Variants in CCBE1 observed in about 807,000 individuals in gnomAD.
CCBE1 encodes the protein collagen and calcium-binding EGF domain-containing protein 1.
In CCBE1, 37 loss-of-function variants were observed where a neutral mutation model predicts 50.0. The ratio of observed to expected loss-of-function variants is 0.74; its 90% CI spans 0.57 to 0.97. The LOEUF is 0.97. Among genes scored for constraint, CCBE1 ranks in the 50% least tolerant of loss-of-function variants. The probability of loss-of-function intolerance (pLI) is 0.00; values close to 1 mark genes in which losing one functional copy is unlikely to be tolerated. For missense variants in CCBE1, 538 were observed against 523.8 expected, an observed-to-expected ratio of 1.03 and a Z score of -0.26; for synonymous variants, 234 against 203.7, an observed-to-expected ratio of 1.15 and a Z score of -1.27.
intron 2 of CCBE1, among the ~76,000 whole-genome samples, chr18:59,494,981 C>G (rs376276594): frequency 2.6e-5 from 4 of 152,154 alleles, no homozygotes; most frequent in African/African-American, 9.7e-5. Context: ...TGGTAAAACC[C>G]TGTCTCTACT....
intron 2 of CCBE1, among the ~76,000 whole-genome samples, chr18:59,571,160 G>C (rs1599023805): frequency 6.6e-6 from 1 of 152,120 alleles, no homozygotes; most frequent in East Asian, 1.9e-4. Context: ...TCTTGCTAAT[G>C]ACATCAGGAA....
chr18:59,638,423 G>T (rs981750229), intron 2 of CCBE1, among the ~76,000 whole-genome samples: 2 of 152,126 alleles, frequency 1.3e-5, no homozygotes, highest in African/African-American at 4.8e-5. Flanking sequence ...GTGTGGTCCT[G>T]GACCAGCAGC....
At chr18:59,583,680 TGCGCGC>T (rs35460738) in intron 2 of CCBE1, among the ~76,000 whole-genome samples, 3,852 of 59,336 alleles carry the variant, frequency 0.065, 64 homozygotes, top group African/African-American at 0.073. Context: ...TGTGTGTGTG[TGCGCGC>T]GCGCGCGCGC....
chr18:59,621,094 C>A (rs1377917000), intron 2 of CCBE1, among the ~76,000 whole-genome samples: 2 of 152,200 alleles, frequency 1.3e-5, no homozygotes, highest in Non-Finnish European at 2.9e-5. Flanking sequence ...GACCACACCT[C>A]TCTTAGAAGG....
At chr18:59,534,077 G>A (rs1031946134) in intron 2 of CCBE1, among the ~76,000 whole-genome samples, 1 of 150,764 alleles carries the variant, frequency 6.6e-6, no homozygotes, top group East Asian at 1.9e-4. Flanking sequence ...AAAAGTGTTC[G>A]ATTCCGCCTT....
intron 2 of CCBE1, among the ~76,000 whole-genome samples, chr18:59,508,587 ACT>A: frequency 6.6e-6 from 1 of 152,034 alleles, no homozygotes; most frequent in African/African-American, 2.4e-5. Context: ...AAAGAGTGAG[ACT>A]CTGTCTCACA....
chr18:59,621,560 A>G (rs1203804849), intron 2 of CCBE1, among the ~76,000 whole-genome samples: 2 of 152,208 alleles, frequency 1.3e-5, no homozygotes, highest in Admixed American at 1.3e-4. Context: ...ACCTGGCATT[A>G]CATGGGCTAT....
intron 2 of CCBE1, among the ~76,000 whole-genome samples, chr18:59,542,113 G>T (rs2144384715): frequency 6.6e-6 from 1 of 151,082 alleles, no homozygotes; most frequent in Non-Finnish European, 1.5e-5. Context: ...GGTCGAGGCT[G>T]CAGTGAGCTG....
At chr18:59,584,786 CT>C (rs1261484721) in intron 2 of CCBE1, among the ~76,000 whole-genome samples, 1 of 152,200 alleles carries the variant, frequency 6.6e-6, no homozygotes, top group Non-Finnish European at 1.5e-5. Context: ...TCTGAATAGC[CT>C]GCAGAACTGC....
intron 2 of CCBE1, among the ~76,000 whole-genome samples, chr18:59,516,674 G>A (rs890036852): frequency 1.3e-5 from 2 of 152,178 alleles, no homozygotes; most frequent in Admixed American, 6.5e-5. Flanking sequence ...GACCTTCCTG[G>A]CTTGCTAACT....
intron 2 of CCBE1, among the ~76,000 whole-genome samples, chr18:59,608,869 T>G (rs2053535122): frequency 1.3e-5 from 2 of 152,210 alleles, no homozygotes; most frequent in Admixed American, 6.5e-5. Context: ...CCAAATCTCT[T>G]GAAGCAGTCG....
intron 2 of CCBE1, among the ~76,000 whole-genome samples, chr18:59,542,679 G>A (rs1360906748): frequency 6.6e-6 from 1 of 152,194 alleles, no homozygotes; most frequent in Non-Finnish European, 1.5e-5. Flanking sequence ...CTGCTAAAAT[G>A]TGCCTGGCCA....
intron 6 of CCBE1, among the ~76,000 whole-genome samples, chr18:59,449,183 C>A (rs534525499): frequency 1.3e-5 from 2 of 152,288 alleles, no homozygotes; most frequent in Non-Finnish European, 2.9e-5. Context: ...CCTGTGGGAT[C>A]TTGGGTAAGC....
chr18:59,627,478 G>A (rs1288813642), intron 2 of CCBE1, among the ~76,000 whole-genome samples: 1 of 152,140 alleles, frequency 6.6e-6, no homozygotes, highest in Non-Finnish European at 1.5e-5. Flanking sequence ...CCTACTTCCT[G>A]GTACCGGAGA....
At chr18:59,534,342 C>T (rs1430971123) in intron 2 of CCBE1, among the ~76,000 whole-genome samples, 1 of 152,126 alleles carries the variant, frequency 6.6e-6, no homozygotes, top group Non-Finnish European at 1.5e-5. Context: ...AGGTTTTTGT[C>T]TTGTCCTTAA....
At chr18:59,607,782 T>C (rs2053518477) in intron 2 of CCBE1, among the ~76,000 whole-genome samples, 1 of 152,116 alleles carries the variant, frequency 6.6e-6, no homozygotes, top group African/African-American at 2.4e-5. Context: ...TATTTAAAAA[T>C]GGGGATGAAC....
intron 2 of CCBE1, among the ~76,000 whole-genome samples, chr18:59,602,775 G>C (rs1378942624): frequency 6.6e-6 from 1 of 152,190 alleles, no homozygotes; most frequent in African/African-American, 2.4e-5. Flanking sequence ...GCCTGAACAA[G>C]GGTTAAGTGC....
At chr18:59,534,315 A>T (rs74778030) in intron 2 of CCBE1, among the ~76,000 whole-genome samples, 3,338 of 152,330 alleles carry the variant, frequency 0.022, 110 homozygotes, top group African/African-American at 0.075. Context: ...ATTGAATCCC[A>T]AATCTGTAAG....
At chr18:59,599,210 A>T (rs1315480774) in intron 2 of CCBE1, among the ~76,000 whole-genome samples, 1 of 152,190 alleles carries the variant, frequency 6.6e-6, no homozygotes, top group Non-Finnish European at 1.5e-5. Flanking sequence ...GGAAGAAAGG[A>T]GAGATGAAGG....
Sources: gnomAD v4.1 joint callset for allele counts (sites outside exome capture counted in the v4.1 genomes callset) on GRCh38, gnomAD v4.1.1 for gene constraint, MANE v1.5 for transcripts, NCBI Gene and HGNC (gene_info 2026-07-23, HGNC 2026-07-21) for gene names.